Variants in NR1D2 observed in about 807,000 individuals in gnomAD.
NR1D2 encodes V-erbA-related protein 1-related.
A neutral mutation model predicts 52.2 loss-of-function variants in NR1D2; 25 were observed. The ratio of observed to expected loss-of-function variants is 0.48; its 90% CI spans 0.35 to 0.67. The LOEUF (loss-of-function observed/expected upper bound fraction) is 0.67. NR1D2 is among the 30% of genes least tolerant of loss of function. The pLI, the probability that NR1D2 is intolerant of heterozygous loss-of-function variation, is 0.01. For synonymous variants in NR1D2, 259 were observed against 230.1 expected (o/e 1.13, Z -1.14); for missense variants, 681 against 707.2 (o/e 0.96, Z 0.42).
In NR1D2 at chr3:23,961,915, T is replaced by G. The variant is rs933120170; in HGVS notation, c.518-62T>G. On this transcript the variant is annotated intron_variant, in intron 4 of 7. Coordinates refer to ENST00000312521, the MANE Select transcript of NR1D2 (RefSeq NM_005126.5). ...ATAACTGTTGGATAATTTTGTGTTA[T>G]TCTTTTATACAAAACAGGTCTTATT... The G allele has an allele frequency of 7.6e-6, 11 of 1,455,906 alleles. No individual in the cohort carries two copies. The African/African-American group carries it at 1.4e-4, about 19-fold the overall frequency. The allele number at this position is 1,455,906 out of a possible 1,614,324, so 90.2% of individuals were successfully genotyped here.
chr3:23,969,732 A>G (rs1244986734), intron 7 of NR1D2, among the ~76,000 whole-genome samples: 1 of 152,270 alleles, frequency 6.6e-6, no homozygotes, highest in African/African-American at 2.4e-5. Flanking sequence ...ATGAAACTAC[A>G]CAAAGAGCTT....
intron 5 of NR1D2, 129 bp downstream of exon 5, chr3:23,962,734 G>A (rs1375389753): frequency 1.2e-6 from 1 of 851,258 alleles, no homozygotes; most frequent in Non-Finnish European, 1.8e-6. Context: ...ACTTAATTTT[G>A]TACAGTATTT....
Position 23,968,036 on chromosome 3 carries a change from G to T in NR1D2, c.1543+13G>T. 1 of 1,610,330 alleles carries T rather than the reference G, an allele frequency of 6.2e-7. No homozygotes were observed. Among genetic ancestry groups the T allele is most frequent in the Non-Finnish European group, 8.5e-7 (1 of 1,176,562 alleles). ...CTGGTATCTGCAGGTAAGCAAGCTG[G>T]TTCAAAATTGTGCCACACCTAGCAT... On this transcript the variant is annotated intron_variant, in intron 7 of 7. Coordinates refer to ENST00000312521, the MANE Select transcript of NR1D2 (RefSeq NM_005126.5).
chr3:23,969,162 T>C (rs1454163526), intron 7 of NR1D2, among the ~76,000 whole-genome samples: 2 of 152,132 alleles, frequency 1.3e-5, no homozygotes, highest in Non-Finnish European at 1.5e-5. Context: ...GGCACGTGCC[T>C]GTAGTCCCAG....
chr3:23,947,728 C>T (rs912108712), intron 1 of NR1D2, among the ~76,000 whole-genome samples: 2 of 152,158 alleles, frequency 1.3e-5, no homozygotes, highest in Non-Finnish European at 2.9e-5. Context: ...AAATTTCTCT[C>T]GTTCATTTGG....
At chr3:23,968,934 A>T (rs148225344) in intron 7 of NR1D2, among the ~76,000 whole-genome samples, 171 of 152,336 alleles carry the variant, frequency 1.1e-3, no homozygotes, top group African/African-American at 3.6e-3. Context: ...TGTGAGAGTT[A>T]TAAGTTACGG....
intron 3 of NR1D2, among the ~76,000 whole-genome samples, chr3:23,959,157 G>A (rs1470627341): frequency 6.6e-6 from 1 of 151,578 alleles, no homozygotes; most frequent in Non-Finnish European, 1.5e-5. Context: ...AGTCCCAGCT[G>A]TTTGTGAGGC....
chr3:23,972,857 A>T (rs1180923117), intron 7 of NR1D2, among the ~76,000 whole-genome samples: 4 of 152,164 alleles, frequency 2.6e-5, no homozygotes, highest in Admixed American at 2.6e-4. Flanking sequence ...TGGCCTTGAA[A>T]TCTTAAAAAC....
At chr3:23,964,553 CAG>C (rs1159028243) in intron 5 of NR1D2, among the ~76,000 whole-genome samples, 1 of 152,176 alleles carries the variant, frequency 6.6e-6, no homozygotes, top group Admixed American at 6.5e-5. Context: ...CTAAACCTCT[CAG>C]AGTCTCATTT....
rs72628109 is a variant in NR1D2, at chr3:23,973,786, A to G, written c.1544-3437A>G. Among the ~76,000 whole-genome samples, 539 of 152,314 alleles carry G rather than the reference A, an allele frequency of 3.5e-3. 13 individuals carry two copies. In the East Asian group the frequency reaches 0.05, roughly 14 times the overall value. The stretch of plus-strand genomic sequence containing the variant: ...TTAAAACAACACATTGTACAGCTAT[A>G]CAAAAATATTTTCTTTATATCCTTA... On this transcript the variant is annotated intron_variant, in intron 7 of 7. Coordinates refer to ENST00000312521, the MANE Select transcript of NR1D2 (RefSeq NM_005126.5).
chr3:23,953,871 AGTTT>A (rs779804826), intron 1 of NR1D2, among the ~76,000 whole-genome samples: 4 of 152,226 alleles, frequency 2.6e-5, no homozygotes, highest in East Asian at 1.9e-4. Context: ...CTTCATGGCC[AGTTT>A]GTTTGAGCAA....
intron 7 of NR1D2, among the ~76,000 whole-genome samples, chr3:23,973,912 C>CTCATT (rs1313166379): frequency 6.6e-6 from 1 of 151,820 alleles, no homozygotes; most frequent in East Asian, 1.9e-4. Context: ...CCTACACAGG[C>CTCATT]TCATCATCAT....
At chr3:23,973,232 G>A (rs1464303313) in intron 7 of NR1D2, among the ~76,000 whole-genome samples, 1 of 152,148 alleles carries the variant, frequency 6.6e-6, no homozygotes, top group Non-Finnish European at 1.5e-5. Flanking sequence ...GCTTAATGAC[G>A]TAAATATGTT....
intron 7 of NR1D2, among the ~76,000 whole-genome samples, chr3:23,974,414 C>T (rs1486578437): frequency 1.3e-5 from 2 of 152,182 alleles, no homozygotes; most frequent in South Asian, 4.1e-4. Flanking sequence ...AATTTTTCAG[C>T]AACATTATAA....
rs1004397955 is a variant in NR1D2 at position 23,965,042 on chromosome 3, A to G, written c.1212A>G (p.Glu404=). 1.2e-6 allele frequency: 2 copies of G among 1,613,844 alleles called. No homozygotes were observed. The highest frequency in any genetic ancestry group is 2.7e-5 in the African/African-American group (2 of 74,864). The change falls in exon 6 of 8, where the codon GAA becomes GAG. Residue 404 remains glutamate (E), a synonymous_variant. Coordinates refer to ENST00000312521, the MANE Select transcript of NR1D2 (RefSeq NM_005126.5). Reference sequence around the variant, plus strand: ...AATCAGGACATGAAATCTGGGAAGAATTTTCGATGAGCTTCACTCCAGCAG... The same window carrying G: ...AATCAGGACATGAAATCTGGGAAGAGTTTTCGATGAGCTTCACTCCAGCAG... ...PHKSGHEIWE[E]FSMSFTPAVK...
chr3:23,955,941 G>T, intron 2 of NR1D2, 96 bp from the exon 3 acceptor site: 1 of 765,296 alleles, frequency 1.3e-6, no homozygotes, highest in Non-Finnish European at 2.2e-6. Context: ...TCTTCTAAAA[G>T]CTCTTACACG....
chr3:23,963,177 T>C (rs760444412), intron 5 of NR1D2: 33 of 908,932 alleles, frequency 3.6e-5, no homozygotes, highest in Non-Finnish European at 5.3e-5. Context: ...GGTCATATCA[T>C]TGAAGCTTTT....
chr3:23,970,004 C>T (rs1312941326), intron 7 of NR1D2, among the ~76,000 whole-genome samples: 1 of 152,080 alleles, frequency 6.6e-6, no homozygotes, highest in East Asian at 1.9e-4. Flanking sequence ...TAGGGGAGCA[C>T]CAGGTTATGG....
rs1183814173 is a variant in NR1D2, at chr3:23,962,374, TAGC to T, written c.919_921del (p.Ser307del). On this transcript the variant is annotated inframe_deletion, in exon 5 of 8. Coordinates refer to ENST00000312521, the MANE Select transcript of NR1D2 (RefSeq NM_005126.5). ...ATCATGATCATTGCGGCAATGGGCT[TAGC>T]AGCCATTTTCCCTGTAGTGAGAGCC... 3 of 1,614,040 alleles carry T rather than the reference TAGC, an allele frequency of 1.9e-6. No homozygotes were observed. The highest frequency in any genetic ancestry group is 1.7e-6 in the Non-Finnish European group (2 of 1,180,010).
Sources: gnomAD v4.1 joint callset for allele counts (sites outside exome capture counted in the v4.1 genomes callset) on GRCh38, gnomAD v4.1.1 for gene constraint, MANE v1.5 for transcripts, NCBI Gene and HGNC (gene_info 2026-07-23, HGNC 2026-07-21) for gene names.